CTIF: variants seen among roughly 807,000 people sequenced by gnomAD.
The protein encoded by CTIF is CBP80/20-dependent translation initiation factor.
CTIF carries 21 observed loss-of-function variants against 66.0 expected under a neutral mutation model. The ratio of observed to expected loss-of-function variants is 0.32; its 90% CI spans 0.23 to 0.46. The LOEUF is 0.46. Ranked by LOEUF, CTIF falls within the 20% of genes least tolerant of loss-of-function variation. The pLI is 1.00. For missense variants in CTIF, 739 were observed against 812.7 expected (o/e 0.91, Z 1.10); for synonymous variants, 345 against 326.4 (o/e 1.06, Z -0.62).
chr18:48,589,543 G>T (rs1034861017), intron 1 of CTIF, among the ~76,000 whole-genome samples: 4 of 152,214 alleles, frequency 2.6e-5, no homozygotes, highest in African/African-American at 9.6e-5. Flanking sequence ...GGGACTAGGG[G>T]TCCAACATGC....
At chr18:48,857,757 T>G in intron 11 of CTIF, 116 bp downstream of exon 11, 1 of 935,192 alleles carries the variant, frequency 1.1e-6, no homozygotes, top group South Asian at 1.8e-5. Context: ...GGAAGGTAGG[T>G]GGATGGCTTC....
intron 3 of CTIF, among the ~76,000 whole-genome samples, chr18:48,641,307 A>C (rs1317327708): frequency 6.6e-6 from 1 of 152,214 alleles, no homozygotes; most frequent in Non-Finnish European, 1.5e-5. Context: ...ACAGGAAATT[A>C]ATATGCACCA....
At chr18:48,646,916 A>AC (rs1443798813) in intron 3 of CTIF, among the ~76,000 whole-genome samples, 4 of 151,034 alleles carry the variant, frequency 2.6e-5, no homozygotes, top group Non-Finnish European at 5.9e-5. Context: ...AAAAAAAAAA[A>AC]AAAAAAAAAC....
At chr18:48,647,587 A>G (rs1210224685) in intron 3 of CTIF, among the ~76,000 whole-genome samples, 1 of 152,274 alleles carries the variant, frequency 6.6e-6, no homozygotes, top group African/African-American at 2.4e-5. Context: ...CTAAAAATAA[A>G]AAGTGTAATT....
chr18:48,832,934 T>G lies in CTIF; in HGVS notation c.1527+15558T>G, dbSNP rs543392345. On this transcript the variant is annotated intron_variant, in intron 10 of 11. Transcript: ENST00000256413. ...CCTGATAGTCAGGAAGTGCTGAGTC[T>G]GGGGGGCGGAGGTGGTAGGGAATGA... 1.4e-4 allele frequency among the ~76,000 whole-genome samples: 21 copies of G among 152,304 alleles called. No homozygotes were observed. The South Asian group carries it at 3.9e-3, about 29-fold the overall frequency.
chr18:48,753,283 C>T (rs138711487), intron 7 of CTIF, among the ~76,000 whole-genome samples: 3 of 152,170 alleles, frequency 2.0e-5, no homozygotes, highest in East Asian at 3.9e-4. Context: ...GTAAAATGTC[C>T]GACATGGAGA....
At chr18:48,791,784 G>C (rs544028246) in intron 9 of CTIF, among the ~76,000 whole-genome samples, 118 of 152,268 alleles carry the variant, frequency 7.7e-4, no homozygotes, top group Middle Eastern at 6.8e-3. Flanking sequence ...CTCTCTCTCT[G>C]TAGCCTTCCC....
At chr18:48,730,251 T>C (rs2092428156) in intron 7 of CTIF, among the ~76,000 whole-genome samples, 1 of 146,676 alleles carries the variant, frequency 6.8e-6, no homozygotes, top group African/African-American at 2.6e-5. Flanking sequence ...CTCCGCGGTG[T>C]GAGGGGCCCC....
chr18:48,688,046 A>C (rs945464393), intron 6 of CTIF, among the ~76,000 whole-genome samples: 1 of 152,318 alleles, frequency 6.6e-6, no homozygotes, highest in Admixed American at 6.5e-5. Flanking sequence ...TCATTTCTGG[A>C]AATGTTTAAA....
intron 2 of CTIF, among the ~76,000 whole-genome samples, chr18:48,630,306 G>A (rs1386134607): frequency 1.3e-5 from 2 of 152,104 alleles, no homozygotes; most frequent in African/African-American, 4.8e-5. Flanking sequence ...TGGGGGGGTG[G>A]GCGACTGTGC....
intron 2 of CTIF, among the ~76,000 whole-genome samples, chr18:48,623,623 T>C (rs2090538456): frequency 6.6e-6 from 1 of 151,418 alleles, no homozygotes. Context: ...AATGTTCCTG[T>C]CTGCCTGTGT....
chr18:48,740,750 A>T (rs1339101886), intron 7 of CTIF, among the ~76,000 whole-genome samples: 1 of 152,220 alleles, frequency 6.6e-6, no homozygotes, highest in Non-Finnish European at 1.5e-5. Context: ...TGGCTTTGGA[A>T]GGAGTGGACT....
intron 6 of CTIF, among the ~76,000 whole-genome samples, chr18:48,682,033 G>A (rs2091754499): frequency 1.3e-5 from 2 of 152,004 alleles, no homozygotes; most frequent in South Asian, 4.2e-4. Flanking sequence ...TGATCCACCT[G>A]CCTCGGCCTC....
Position 48,794,648 on chromosome 18 carries a change from C to G in CTIF, c.1372-22573C>G, listed in dbSNP as rs2337140. Among the ~76,000 whole-genome samples, 1,457 of 152,252 alleles carry G rather than the reference C, an allele frequency of 9.6e-3. 30 individuals are homozygous for G. Among genetic ancestry groups the G allele is most frequent in the African/African-American group, 0.033 (1,373 of 41,538 alleles). On this transcript the variant is annotated intron_variant, in intron 9 of 11. Transcript: ENST00000256413. ...TCCCAGAATAGCTTTAAAAATAGGA[C>G]AGCTTTACAAACCACCCAGGATGAT...
chr18:48,703,159 A>G (rs949244689), intron 6 of CTIF, among the ~76,000 whole-genome samples: 1 of 152,216 alleles, frequency 6.6e-6, no homozygotes, highest in Non-Finnish European at 1.5e-5. Flanking sequence ...CATGGGGCTC[A>G]TGCTCTCTGG....
chr18:48,842,187 A>G (rs1425207038), intron 10 of CTIF, among the ~76,000 whole-genome samples: 1 of 152,164 alleles, frequency 6.6e-6, no homozygotes, highest in East Asian at 1.9e-4. Context: ...TGGAAGAGAA[A>G]CAACCAGGGG....
intron 10 of CTIF, among the ~76,000 whole-genome samples, chr18:48,846,262 A>T (rs2038756262): frequency 6.6e-6 from 1 of 152,106 alleles, no homozygotes; most frequent in South Asian, 2.1e-4. Context: ...CATCTTTCTC[A>T]TGCCATATGC....
At chr18:48,543,960 G>C (rs2088685948) in intron 1 of CTIF, among the ~76,000 whole-genome samples, 1 of 152,068 alleles carries the variant, frequency 6.6e-6, no homozygotes, top group African/African-American at 2.4e-5. Flanking sequence ...GTCTGTATTT[G>C]GGAAATATAG....
chr18:48,645,801 C>T (rs560951328), intron 3 of CTIF, among the ~76,000 whole-genome samples: 2 of 152,338 alleles, frequency 1.3e-5, no homozygotes, highest in South Asian at 4.1e-4. Context: ...CCCACCTCCA[C>T]CCAGCGGTGA....
Sources: allele counts gnomAD v4.1 joint callset (sites outside exome capture counted in the v4.1 genomes callset), GRCh38; gene constraint gnomAD v4.1.1; transcripts MANE v1.5; gene names NCBI Gene and HGNC (gene_info 2026-07-23, HGNC 2026-07-21).